MGLL: variants seen among roughly 807,000 people sequenced by gnomAD.
MGLL encodes monoglyceride lipase.
In MGLL, 7 loss-of-function variants were observed where a neutral mutation model predicts 29.1. The observed-to-expected ratio is 0.24, with a 90% CI of 0.14 to 0.45. The LOEUF is 0.45. MGLL is among the 20% of genes least tolerant of loss of function. The pLI, the probability that MGLL is intolerant of heterozygous loss-of-function variation, is 0.99. For synonymous variants in MGLL, 148 were observed against 168.3 expected (o/e 0.88, Z 0.93); for missense variants, 356 against 413.6 (o/e 0.86, Z 1.21).
chr3:127,689,702 A>C lies in MGLL; in HGVS notation c.*2496T>G, dbSNP rs1271614337. 1 of 152,258 alleles carries C rather than the reference A, an allele frequency of 6.6e-6. No individual in the cohort carries two copies. Among genetic ancestry groups the C allele is most frequent in the Non-Finnish European group, 1.5e-5 (1 of 68,072 alleles). The allele number at this position is 152,258 out of a possible 1,614,324, so 9.4% of individuals were successfully genotyped here. On this transcript the variant is annotated 3_prime_UTR_variant, in exon 8 of 8. Coordinates refer to ENST00000265052, the MANE Select transcript of MGLL (RefSeq NM_007283.7). ...TGACTCCAGAGCTCAGAATGTCAGC[A>C]CGGAGCCGTCAGTATCGAGAAGGAA...
chr3:127,800,887 C>T (rs545931517), intron 2 of MGLL, among the ~76,000 whole-genome samples: 2 of 152,344 alleles, frequency 1.3e-5, no homozygotes, highest in East Asian at 3.9e-4. Context: ...CCTCTAAACT[C>T]AGCTCAGAGT....
At chr3:127,780,518 A>C (rs1186323987) in intron 3 of MGLL, among the ~76,000 whole-genome samples, 2 of 152,266 alleles carry the variant, frequency 1.3e-5, no homozygotes, top group East Asian at 1.9e-4. Flanking sequence ...CACAAATATT[A>C]CTGGGACAGT....
Position 127,726,320 on chromosome 3 carries a change from GAGAA to G in MGLL, c.263-3758_263-3755del, listed in dbSNP as rs531661366. Among the ~76,000 whole-genome samples, 153 of 147,386 alleles carry G rather than the reference GAGAA, an allele frequency of 1.0e-3. 1 individual carries two copies. Among genetic ancestry groups the G allele is most frequent in the Middle Eastern group, 6.9e-3 (2 of 288 alleles). On this transcript the variant is annotated intron_variant, in intron 3 of 7. Coordinates refer to ENST00000265052, the MANE Select transcript of MGLL (RefSeq NM_007283.7). ...GGAGGGAGGGAGGGAGAGAAAGAAA[GAGAA>G]AGAAAGAAAGAGGAAAGAAAGAAAG...
At chr3:127,695,618 C>T (rs1229482317) in intron 6 of MGLL, among the ~76,000 whole-genome samples, 1 of 152,078 alleles carries the variant, frequency 6.6e-6, no homozygotes, top group East Asian at 1.9e-4. Context: ...GTGGTGGGCA[C>T]CTGTAATCCC....
In MGLL at chr3:127,743,246, G is replaced by A. The variant is rs368484781; in HGVS notation, c.263-20680C>T. On this transcript the variant is annotated intron_variant, in intron 3 of 7. Transcript: ENST00000265052. ...AATTGCTGTGTATTTTCAGATTCCA[G>A]TCTTTAACCTCAATGCTTTATTGGA... is the stretch of plus-strand genomic sequence containing the variant. 5.3e-5 allele frequency among the ~76,000 whole-genome samples: 8 copies of A among 152,332 alleles called. No homozygotes were observed. In the East Asian group the frequency reaches 1.5e-3, roughly 29 times the overall value.
chr3:127,820,910 G>T (rs1448418656), intron 2 of MGLL, among the ~76,000 whole-genome samples: 1 of 152,180 alleles, frequency 6.6e-6, no homozygotes, highest in African/African-American at 2.4e-5. Context: ...CCTGTGTGAG[G>T]GTTGGGTGAT....
At chr3:127,698,606 G>T (rs1410686005) in intron 6 of MGLL, among the ~76,000 whole-genome samples, 4 of 152,142 alleles carry the variant, frequency 2.6e-5, no homozygotes, top group Non-Finnish European at 5.9e-5. Context: ...AGTGGGGAGG[G>T]GATGCAGCTG....
At chr3:127,768,401 C>T (rs2076893751) in intron 3 of MGLL, among the ~76,000 whole-genome samples, 1 of 152,154 alleles carries the variant, frequency 6.6e-6, no homozygotes, top group Non-Finnish European at 1.5e-5. Context: ...AGGATTTGAG[C>T]CCATAGCTGA....
chr3:127,786,355 G>C (rs1401582748), intron 2 of MGLL, among the ~76,000 whole-genome samples: 3 of 152,236 alleles, frequency 2.0e-5, no homozygotes, highest in Admixed American at 6.5e-5. Flanking sequence ...AAAATTAGCA[G>C]AGCCATTTAT....
intron 3 of MGLL, chr3:127,735,591 A>C: frequency 8.6e-7 from 1 of 1,163,548 alleles, no homozygotes; most frequent in East Asian, 2.4e-5. Context: ...TGATAAACAC[A>C]TAAAATAAAA....
At chr3:127,712,857 G>A (rs939838882) in intron 5 of MGLL, 1 of 152,278 alleles carries the variant, frequency 6.6e-6, no homozygotes, top group Non-Finnish European at 1.5e-5. Flanking sequence ...CACAAGGACT[G>A]GGGTATTTTC....
rs535957553 is a variant in MGLL at position 127,808,347 on chromosome 3, C to T, written c.155+13347G>A. 9.2e-5 allele frequency among the ~76,000 whole-genome samples: 14 copies of T among 152,266 alleles called. No individual in the cohort carries two copies. The South Asian group carries it at 2.9e-3, about 32-fold the overall frequency. On this transcript the variant is annotated intron_variant, in intron 2 of 7. Transcript: ENST00000265052. ...GATTCCATTCTTGGTCAGACTTCCC[C>T]CTTGCAGTCTTAAAATGGTTGCCAG...
chr3:127,717,215 CT>C (rs2107616718), intron 5 of MGLL, among the ~76,000 whole-genome samples: 1 of 152,308 alleles, frequency 6.6e-6, no homozygotes, highest in East Asian at 1.9e-4. Flanking sequence ...CCATGTTCCA[CT>C]TGTTTCCCCT....
intron 3 of MGLL, among the ~76,000 whole-genome samples, chr3:127,762,990 C>G (rs1438753582): frequency 6.6e-6 from 1 of 152,178 alleles, no homozygotes; most frequent in Non-Finnish European, 1.5e-5. Context: ...ATGGCAGCCT[C>G]CCCAGCTTTG....
chr3:127,698,031 C>T (rs1025552188), intron 6 of MGLL, among the ~76,000 whole-genome samples: 1 of 152,248 alleles, frequency 6.6e-6, no homozygotes, highest in Admixed American at 6.5e-5. Context: ...CTCGGGGACT[C>T]TGCTTCTGAG....
chr3:127,779,551 G>A (rs918844732), intron 3 of MGLL, among the ~76,000 whole-genome samples: 28 of 151,496 alleles, frequency 1.8e-4, no homozygotes, highest in Middle Eastern at 3.4e-3. Context: ...ATGCAGCGGC[G>A]CAGGACCTTA....
At chr3:127,721,359 G>T (rs1417903210) in intron 4 of MGLL, among the ~76,000 whole-genome samples, 196 bp from the exon 5 acceptor site, 2 of 152,010 alleles carry the variant, frequency 1.3e-5, no homozygotes, top group Non-Finnish European at 2.9e-5. Flanking sequence ...TTTTTTCTCT[G>T]GGTTTTCCAA....
intron 2 of MGLL, among the ~76,000 whole-genome samples, chr3:127,785,286 C>A (rs2077193779): frequency 6.6e-6 from 1 of 152,194 alleles, no homozygotes; most frequent in Non-Finnish European, 1.5e-5. Context: ...CCGGCCCTTC[C>A]CAGCTTCCTG....
At chr3:127,817,206 A>T (rs1255825138) in intron 2 of MGLL, among the ~76,000 whole-genome samples, 2 of 152,252 alleles carry the variant, frequency 1.3e-5, no homozygotes, top group Non-Finnish European at 2.9e-5. Context: ...GGAATTTGGA[A>T]CAAAATGCTA....
Sources: allele counts gnomAD v4.1 joint callset (sites outside exome capture counted in the v4.1 genomes callset), GRCh38; gene constraint gnomAD v4.1.1; transcripts MANE v1.5; gene names NCBI Gene and HGNC (gene_info 2026-07-23, HGNC 2026-07-21).